Variants in PAXIP1 observed in about 807,000 individuals in gnomAD.
The protein encoded by PAXIP1 is PAX interacting protein 1.
PAXIP1 carries 19 observed loss-of-function variants against 140.6 expected under a neutral mutation model. The observed-to-expected ratio is 0.14, with a 90% CI of 0.09 to 0.20. The LOEUF (loss-of-function observed/expected upper bound fraction) is 0.20. PAXIP1 is among the 10% of genes least tolerant of loss of function. The probability of loss-of-function intolerance (pLI) is 1.00; values close to 1 mark genes in which losing one functional copy is unlikely to be tolerated. For synonymous variants in PAXIP1, 442 were observed against 444.6 expected, an observed-to-expected ratio of 0.99 and a Z score of 0.07; for missense variants, 920 against 1,208.6, an observed-to-expected ratio of 0.76 and a Z score of 3.54.
chr7:154,957,107 ACT>A (rs1808548124), intron 14 of PAXIP1, 115 bp downstream of exon 14: 1 of 565,564 alleles, frequency 1.8e-6, no homozygotes, highest in South Asian at 2.8e-5. Flanking sequence ...CAAAAAGCAA[ACT>A]CTTTCAAATC....
At chr7:154,970,029 C>T (rs919236199) in intron 6 of PAXIP1, among the ~76,000 whole-genome samples, 4 of 152,138 alleles carry the variant, frequency 2.6e-5, no homozygotes, top group Admixed American at 1.3e-4. Context: ...AGGAGAAGGA[C>T]GGTGACCAGC....
At chr7:154,947,052 G>C (rs1808016253) in intron 17 of PAXIP1, 1 of 387,708 alleles carries the variant, frequency 2.6e-6, no homozygotes, top group Admixed American at 4.2e-5. Context: ...AAAGTAACCA[G>C]AACTTAAGTC....
chr7:154,976,666 C>CA (rs1809597011), intron 5 of PAXIP1, among the ~76,000 whole-genome samples: 1 of 152,124 alleles, frequency 6.6e-6, no homozygotes, highest in Non-Finnish European at 1.5e-5. Context: ...ATAATTGCTA[C>CA]CTAAGTTTTT....
At chr7:154,971,746 T>C (rs1191972378) in intron 6 of PAXIP1, among the ~76,000 whole-genome samples, 2 of 152,244 alleles carry the variant, frequency 1.3e-5, no homozygotes, top group Non-Finnish European at 2.9e-5. Context: ...AGCAGTATGA[T>C]ACACATCACA....
At chr7:154,969,553 A>G (rs138291837) in intron 6 of PAXIP1, among the ~76,000 whole-genome samples, 1 of 152,224 alleles carries the variant, frequency 6.6e-6, no homozygotes, top group African/African-American at 2.4e-5. Flanking sequence ...CCAGGAATGC[A>G]CTGAGGAATG....
chr7:154,961,810 T>C (rs1808765846), intron 10 of PAXIP1, among the ~76,000 whole-genome samples, 162 bp from the exon 11 acceptor site: 2 of 152,226 alleles, frequency 1.3e-5, no homozygotes, highest in South Asian at 4.1e-4. Context: ...AGACCAGAAC[T>C]GTATTAATGG....
chr7:154,976,396 C>T (rs1222694563), intron 5 of PAXIP1, 65 bp from the exon 6 acceptor site: 3 of 1,509,622 alleles, frequency 2.0e-6, no homozygotes, highest in African/African-American at 2.8e-5. Flanking sequence ...CCTACAATTA[C>T]GCATTTTAGA....
chr7:154,967,166 C>T (rs1437086653), intron 8 of PAXIP1, among the ~76,000 whole-genome samples: 1 of 152,226 alleles, frequency 6.6e-6, no homozygotes, highest in Non-Finnish European at 1.5e-5. Context: ...TTCTCCGTCT[C>T]TGTGATTTCG....
intron 6 of PAXIP1, among the ~76,000 whole-genome samples, chr7:154,969,805 C>A (rs1300482935): frequency 6.6e-6 from 1 of 152,188 alleles, no homozygotes; most frequent in East Asian, 1.9e-4. Flanking sequence ...TAAGACACCA[C>A]CGGGGCTGTT....
chr7:154,957,946 C>T (rs1284043503), intron 13 of PAXIP1, among the ~76,000 whole-genome samples: 18 of 143,050 alleles, frequency 1.3e-4, no homozygotes, highest in Non-Finnish European at 2.1e-4. Context: ...CGCAGTCTGG[C>T]CTGGGCGACA....
Position 154,968,882 on chromosome 7 carries a change from T to C in PAXIP1, c.1319A>G (p.Tyr440Cys). The C allele has an allele frequency of 4.0e-6, 4 of 1,002,602 alleles. No individual in the cohort carries two copies. The highest frequency in any genetic ancestry group is 2.6e-5 in the East Asian group (1 of 38,218). 62.1% of individuals were successfully genotyped at this position (1,002,602 alleles called of 1,614,324 possible). The change falls in exon 7 of 21, where the codon TAC becomes TGC. Residue 440 changes from tyrosine (Y) to cysteine (C), a missense_variant. Transcript: ENST00000404141. ...QQQQQISQQP[Y>C]PQQPPHPFSQ... ...AAATGGATGCGGCGGCTGCTGGGGG[T>C]AAGGTTGCTGAGAGATCTGCTGCTG...
Position 154,957,273 on chromosome 7 carries a change from G to T in PAXIP1, c.2500C>A (p.Leu834Met), listed in dbSNP as rs1207599578. 1.2e-6 allele frequency: 2 copies of T among 1,605,296 alleles called. No individual in the cohort carries two copies. Among genetic ancestry groups the T allele is most frequent in the Non-Finnish European group, 1.7e-6 (2 of 1,173,766 alleles). ...ACATTAGCTACTTCATTCTGTTTCA[G>T]TTTGGGAGGTAGTCTTATACTCTGC... is the stretch of plus-strand genomic sequence containing the variant. Reference protein sequence around the residue: ...LLMSIRLPPKLKQNEVANVQP... With the variant: ...LLMSIRLPPKMKQNEVANVQP... The change falls in exon 14 of 21, where the codon CTG becomes ATG. Residue 834 changes from leucine to methionine, a missense_variant. Physicochemically the swap from Leu to Met is conservative, Grantham distance 15. Transcript: ENST00000404141.
intron 8 of PAXIP1, 123 bp downstream of exon 8, chr7:154,967,665 GGTCACACAGAATGTTAATCAAAATGCCC>G: frequency 1.7e-6 from 1 of 594,038 alleles, no homozygotes; most frequent in South Asian, 2.1e-5. Flanking sequence ...CTGTGCCTCA[GGTCACACAGAATGTTAATCAAAATGCCC>G]GTCACACATT....
In PAXIP1 at chr7:154,998,674, T is replaced by C; in HGVS notation, c.192A>G (p.Glu64=). ...CCTTTACAACAGGTAAGTCAAAGAC[T>C]TCCCGAGCTTCTCCCACCTCTGGAT... ...GDNPEVGEAR[E]VFDLPVVKPS... Residue 64 remains glutamate (E), a synonymous_variant, in exon 2 of 21, where the codon GAA becomes GAG. Coordinates refer to ENST00000404141, the MANE Select transcript of PAXIP1 (RefSeq NM_007349.4). The C allele has an allele frequency of 6.2e-7, 1 of 1,613,646 alleles. No homozygotes were observed.
intron 13 of PAXIP1, among the ~76,000 whole-genome samples, chr7:154,958,427 A>AT (rs1423752062): frequency 6.6e-6 from 1 of 152,176 alleles, no homozygotes; most frequent in Non-Finnish European, 1.5e-5. Context: ...ACTACAACTT[A>AT]TTTTTTCTAA....
rs554043960 is a variant in PAXIP1, at chr7:154,981,365, G to A, written c.438+1854C>T. On this transcript the variant is annotated intron_variant, in intron 5 of 20. Coordinates refer to ENST00000404141, the MANE Select transcript of PAXIP1 (RefSeq NM_007349.4). ...TATTTACCATTGCAGAAGAAACACA[G>A]TAAGCATTAAAATAGTAGTTCATTT... 2.6e-5 allele frequency among the ~76,000 whole-genome samples: 4 copies of A among 152,306 alleles called. No individual in the cohort carries two copies. In the East Asian group the frequency reaches 7.7e-4, roughly 29 times the overall value.
chr7:154,963,685 T>C lies in PAXIP1; in HGVS notation c.1975A>G (p.Ser659Gly). Residue 659 changes from serine to glycine, a missense_variant, in exon 9 of 21, where the codon AGC (serine) becomes GGC (glycine). This residue lies in a region of PAXIP1 where 303 missense variants were observed against 517.9 expected (regional missense o/e 0.59). Transcript: ENST00000404141. The surrounding 1 kb of genome is among the most constrained non-coding windows in gnomAD (Gnocchi z 4.1). ...THLLCESQVS[S>G]AYAQAIRERK... The stretch of plus-strand genomic sequence containing the variant: ...ATTTTCCTTACCTGTGCATACGCGC[T>C]GCTGACTTGACTCTCACAGAGAAGG... The C allele has an allele frequency of 6.2e-7, 1 of 1,613,074 alleles. No homozygotes were observed. The highest frequency in any genetic ancestry group is 8.5e-7 in the Non-Finnish European group (1 of 1,179,352).
In PAXIP1 at chr7:154,963,736, G is replaced by T; in HGVS notation, c.1924C>A (p.Pro642Thr). The T allele has an allele frequency of 1.2e-6, 2 of 1,613,444 alleles. No individual in the cohort carries two copies. Among genetic ancestry groups the T allele is most frequent in the South Asian group, 2.2e-5 (2 of 90,886 alleles). ...TGCGTGCATCGACTCGTGAAGGTGGGGTCAACAGTGCCGCCATGTGCCTGG... is the reference window on the plus strand; with the variant it reads ...TGCGTGCATCGACTCGTGAAGGTGGTGTCAACAGTGCCGCCATGTGCCTGG... ...IIQAHGGTVD[P>T]TFTSRCTHLL... The change falls in exon 9 of 21, where the codon CCC becomes ACC. Residue 642 changes from proline to threonine, a missense_variant. By Grantham distance (38) the Pro-to-Thr change is conservative (BLOSUM62 -1). This residue lies in a region of PAXIP1 where 62 missense variants were observed against 69.0 expected (regional missense o/e 0.90). Coordinates refer to ENST00000404141, the MANE Select transcript of PAXIP1 (RefSeq NM_007349.4). The surrounding 1 kb of genome is among the most constrained non-coding windows in gnomAD (Gnocchi z 4.1).
rs1042577090 is a variant in PAXIP1, at chr7:154,960,567, C to T, written c.2434+326G>A. 2.0e-5 allele frequency among the ~76,000 whole-genome samples: 3 copies of T among 152,162 alleles called. No homozygotes were observed. In the East Asian group the frequency reaches 5.8e-4, roughly 29 times the overall value. On this transcript the variant is annotated intron_variant, in intron 12 of 20. Coordinates refer to ENST00000404141, the MANE Select transcript of PAXIP1 (RefSeq NM_007349.4). ...TGGCACATGCCTGTAGTCCCAGCTACTTGGGAGGGTGAGGTAGGGAAATCA... is the reference window on the plus strand; with the variant it reads ...TGGCACATGCCTGTAGTCCCAGCTATTTGGGAGGGTGAGGTAGGGAAATCA...
Sources: gnomAD v4.1 joint callset for allele counts (sites outside exome capture counted in the v4.1 genomes callset) on GRCh38, gnomAD v4.1.1 for gene constraint, gnomAD v4.1.1 regional missense constraint, Gnocchi (gnomAD v3.1) non-coding constraint, MANE v1.5 for transcripts, NCBI Gene and HGNC (gene_info 2026-07-23, HGNC 2026-07-21) for gene names.